DNAH7: variants seen among roughly 807,000 people sequenced by gnomAD.
The protein encoded by DNAH7 is axonemal beta dynein heavy chain 7.
A neutral mutation model predicts 444.6 loss-of-function variants in DNAH7; 397 were observed. That is an observed-to-expected ratio of 0.89 (90% CI 0.82 to 0.97). The LOEUF (loss-of-function observed/expected upper bound fraction) is 0.97. Among genes scored for constraint, DNAH7 ranks in the 50% least tolerant of loss-of-function variants. DNAH7 has a pLI of 0.00. For missense variants in DNAH7, 4,902 were observed against 4,800.8 expected, an observed-to-expected ratio of 1.02 and a Z score of -0.62; for synonymous variants, 1,636 against 1,624.4, an observed-to-expected ratio of 1.01 and a Z score of -0.17.
chr2:195,866,954 T>A (rs1035321772), intron 40 of DNAH7, among the ~76,000 whole-genome samples: 3 of 152,178 alleles, frequency 2.0e-5, no homozygotes, highest in African/African-American at 4.8e-5. Context: ...CTGCACAATC[T>A]CTCTTCTCCT....
intron 15 of DNAH7, among the ~76,000 whole-genome samples, chr2:195,973,947 A>G (rs2019537): frequency 0.31 from 46,765 of 151,850 alleles, 10,082 homozygotes; most frequent in African/African-American, 0.61. Flanking sequence ...GTGTGGTGGC[A>G]GGCGCCAGTA....
At chr2:195,811,513 G>A (rs1434596095) in intron 51 of DNAH7, among the ~76,000 whole-genome samples, 1 of 152,010 alleles carries the variant, frequency 6.6e-6, no homozygotes, top group Non-Finnish European at 1.5e-5. Context: ...ATCACGCCAG[G>A]CTAATTTTTG....
chr2:195,857,503 G>A lies in DNAH7; in HGVS notation c.8288C>T (p.Ala2763Val). ...HEYDKDNIPP[A>V]YMNIIRKNYI... ...ATTTTTTCTTATGATATTCATATAA[G>A]CTGGAGGAATATTGTCCTTGTCATA... Residue 2763 changes from alanine to valine, a missense_variant, in exon 44 of 65, where the codon GCT (alanine) becomes GTT (valine). Ala to Val is a moderately conservative substitution (Grantham distance 64, BLOSUM62 0). Coordinates refer to ENST00000312428, the MANE Select transcript of DNAH7 (RefSeq NM_018897.3). The A allele has an allele frequency of 3.1e-6, 5 of 1,613,734 alleles. No individual in the cohort carries two copies. The highest frequency in any genetic ancestry group is 4.2e-6 in the Non-Finnish European group (5 of 1,179,854).
intron 27 of DNAH7, chr2:195,901,142 T>G (rs1217648898): frequency 6.6e-6 from 1 of 152,036 alleles, no homozygotes; most frequent in Non-Finnish European, 1.5e-5. Flanking sequence ...GAGTAGATCT[T>G]AAGTGTTACC....
In DNAH7 at chr2:195,876,685, AT is replaced by A. The variant is rs1489032769; in HGVS notation, c.5975del (p.Asn1992IlefsTer3). The part of the protein sequence containing the change: ...KSVYITNFLL[N>X]QLNKEIYKPL... ...GTTTGTAGATTTCCTTATTTAGTTGATTTAAAAGAAAATTCTATATAACAAA... is the reference window on the plus strand; with the variant it reads ...GTTTGTAGATTTCCTTATTTAGTTGATTAAAAGAAAATTCTATATAACAAA... On this transcript the variant is annotated frameshift_variant, in exon 37 of 65. Coordinates refer to ENST00000312428, the MANE Select transcript of DNAH7 (RefSeq NM_018897.3). LOFTEE classifies it high-confidence loss of function. 1 of 1,585,820 alleles carries A rather than the reference AT, an allele frequency of 6.3e-7. No homozygotes were observed.
chr2:195,838,736 G>T (rs1698516271), intron 47 of DNAH7, among the ~76,000 whole-genome samples: 1 of 151,858 alleles, frequency 6.6e-6, no homozygotes, highest in East Asian at 1.9e-4. Flanking sequence ...AAAGTAAAAT[G>T]ATGGTAAAAG....
intron 55 of DNAH7, 109 bp from the exon 56 acceptor site, chr2:195,796,846 T>C (rs1463933834): frequency 8.0e-7 from 1 of 1,249,862 alleles, no homozygotes; most frequent in Non-Finnish European, 1.1e-6. Flanking sequence ...TTGGGTCACA[T>C]GTCTCAAAAA....
intron 9 of DNAH7, among the ~76,000 whole-genome samples, chr2:196,017,507 G>A (rs1164446213): frequency 6.6e-6 from 1 of 150,546 alleles, no homozygotes; most frequent in Admixed American, 6.6e-5. Context: ...ATAGAGTTGG[G>A]ATTCCTCTCA....
At chr2:195,991,619 A>T (rs561788079) in intron 12 of DNAH7, among the ~76,000 whole-genome samples, 2 of 152,344 alleles carry the variant, frequency 1.3e-5, no homozygotes, top group South Asian at 4.1e-4. Context: ...TCAATAAAAC[A>T]ACTGCTATGC....
chr2:195,927,524 TA>T (rs1318882991), intron 21 of DNAH7, among the ~76,000 whole-genome samples: 14 of 151,482 alleles, frequency 9.2e-5, no homozygotes, highest in East Asian at 5.8e-4. Flanking sequence ...AATAAATAAA[TA>T]AATTAATTAA....
intron 2 of DNAH7, 54 bp from the exon 3 acceptor site, chr2:196,051,303 T>C: frequency 1.4e-6 from 2 of 1,438,808 alleles, no homozygotes; most frequent in Non-Finnish European, 2.0e-6. Flanking sequence ...GTGCTAAAAT[T>C]GATTCACTGA....
intron 20 of DNAH7, among the ~76,000 whole-genome samples, chr2:195,935,958 G>A (rs1225784124): frequency 5.3e-5 from 8 of 151,728 alleles, no homozygotes; most frequent in African/African-American, 1.5e-4. Context: ...GAGATGAATA[G>A]GAAGGATAAC....
chr2:195,796,075 G>A (rs1172942934), intron 56 of DNAH7, among the ~76,000 whole-genome samples: 3 of 152,124 alleles, frequency 2.0e-5, no homozygotes, highest in South Asian at 2.1e-4. Context: ...GAAGTCCCAC[G>A]ACCCACTGCA....
At chr2:195,769,099 C>A (rs1446228662) in intron 61 of DNAH7, among the ~76,000 whole-genome samples, 2 of 151,972 alleles carry the variant, frequency 1.3e-5, no homozygotes, top group East Asian at 3.9e-4. Flanking sequence ...TTTTCTTCCT[C>A]AAATTAGTGA....
intron 27 of DNAH7, chr2:195,902,889 T>C (rs1483020657): frequency 6.6e-6 from 1 of 152,166 alleles, no homozygotes; most frequent in African/African-American, 2.4e-5. Flanking sequence ...TGTTATAATG[T>C]GGTTCGATTT....
intron 47 of DNAH7, among the ~76,000 whole-genome samples, chr2:195,834,685 CT>C (rs1340264456): frequency 6.6e-6 from 1 of 152,194 alleles, no homozygotes; most frequent in East Asian, 1.9e-4. Context: ...ATCAAGAGGA[CT>C]GCGTTGGAAA....
intron 29 of DNAH7, 152 bp from the exon 30 acceptor site, chr2:195,895,376 A>G: frequency 1.9e-6 from 1 of 517,556 alleles, no homozygotes; most frequent in South Asian, 5.2e-5. Flanking sequence ...GCAAACGTGT[A>G]TTTTTTTCTT....
At chr2:196,061,307 A>G (rs2125893966) in intron 1 of DNAH7, among the ~76,000 whole-genome samples, 1 of 152,090 alleles carries the variant, frequency 6.6e-6, no homozygotes, top group Non-Finnish European at 1.5e-5. Flanking sequence ...TACCCCATAT[A>G]CTGGAATCTC....
At chr2:195,807,819 C>A (rs1325252082) in intron 53 of DNAH7, among the ~76,000 whole-genome samples, 2 of 152,182 alleles carry the variant, frequency 1.3e-5, no homozygotes, top group African/African-American at 4.8e-5. Flanking sequence ...AGTTGAGGTA[C>A]TCACAACACA....
Sources: gnomAD v4.1 joint callset for allele counts (sites outside exome capture counted in the v4.1 genomes callset) on GRCh38, gnomAD v4.1.1 for gene constraint, MANE v1.5 for transcripts, NCBI Gene and HGNC (gene_info 2026-07-23, HGNC 2026-07-21) for gene names.